Variants in RALYL observed in about 807,000 individuals in gnomAD.
RALYL encodes RNA-binding Raly-like protein.
Under a neutral mutation model 35.1 loss-of-function variants are expected in RALYL, and 29 were observed. The ratio of observed to expected loss-of-function variants is 0.83; its 90% CI spans 0.61 to 1.13. The LOEUF (loss-of-function observed/expected upper bound fraction) is 1.13, where lower values mean the gene tolerates loss of function less well. Ranked by LOEUF, RALYL falls within the 50% of genes most tolerant of loss-of-function variation. The probability of loss-of-function intolerance (pLI) is 0.00; values close to 1 mark genes in which losing one functional copy is unlikely to be tolerated. For missense variants in RALYL, 359 were observed against 360.4 expected (o/e 1.00, Z 0.03); for synonymous variants, 120 against 127.6 (o/e 0.94, Z 0.40).
At chr8:84,373,998 G>C (rs78450290) in intron 1 of RALYL, among the ~76,000 whole-genome samples, 1 of 151,854 alleles carries the variant, frequency 6.6e-6, no homozygotes, top group Admixed American at 6.6e-5. Context: ...TTGTGATTTG[G>C]ATATGAGCTT....
chr8:84,339,152 C>T (rs1041199409), intron 1 of RALYL, among the ~76,000 whole-genome samples: 5 of 151,926 alleles, frequency 3.3e-5, no homozygotes, highest in Non-Finnish European at 7.4e-5. Flanking sequence ...AGCAAATTTA[C>T]ATCTTAGTTT....
At chr8:84,840,770 C>T (rs193093874) in intron 4 of RALYL, among the ~76,000 whole-genome samples, 30 of 152,300 alleles carry the variant, frequency 2.0e-4, no homozygotes, top group Non-Finnish European at 3.7e-4. Context: ...ACTGATCTCT[C>T]GGCAGAAACT....
chr8:84,309,387 A>G (rs866079078), intron 1 of RALYL, among the ~76,000 whole-genome samples: 20 of 151,726 alleles, frequency 1.3e-4, no homozygotes, highest in African/African-American at 4.6e-4. Context: ...CTGAAGGTAT[A>G]CTAATAATGC....
At position 84,214,616 on chromosome 8, in the gene RALYL, T is replaced by A. The variant is rs920603652; in HGVS notation, c.-24+30192T>A. Among the ~76,000 whole-genome samples, 5 of 152,142 alleles carry A rather than the reference T, an allele frequency of 3.3e-5. No homozygotes were observed. The East Asian group carries it at 7.7e-4, about 23-fold the overall frequency. On this transcript the variant is annotated intron_variant, in intron 1 of 8. Coordinates refer to ENST00000521268, the MANE Select transcript of RALYL (RefSeq NM_173848.7). ...TTTACTGTAATATCCTTGATAACATTAATATACCTAACTGGCAAGAGTTAG... is the reference window on the plus strand; with the variant it reads ...TTTACTGTAATATCCTTGATAACATAAATATACCTAACTGGCAAGAGTTAG...
chr8:84,266,336 GC>G (rs2131874230), intron 1 of RALYL, among the ~76,000 whole-genome samples: 1 of 151,936 alleles, frequency 6.6e-6, no homozygotes, highest in East Asian at 1.9e-4. Flanking sequence ...CAAAAGTTTT[GC>G]CCCTGGAATA....
rs1470993693 is a variant in RALYL, at chr8:84,425,031, G to C, written c.-23-104268G>C. Among the ~76,000 whole-genome samples the C allele has an allele frequency of 6.6e-5, 10 of 152,256 alleles. No homozygotes were observed. The South Asian group carries it at 2.1e-3, about 32-fold the overall frequency. ...TGTCTGTGCCCTGCCCCCAGAGGTG[G>C]AGCCTACAGAGGCAGGCAGACCTCC... On this transcript the variant is annotated intron_variant, in intron 1 of 8. Coordinates refer to ENST00000521268, the MANE Select transcript of RALYL (RefSeq NM_173848.7).
chr8:84,528,518 T>G (rs760527000), intron 1 of RALYL, among the ~76,000 whole-genome samples: 4 of 152,130 alleles, frequency 2.6e-5, no homozygotes, highest in Non-Finnish European at 4.4e-5. Flanking sequence ...TTAGGCAACA[T>G]AGGAGCCTTT....
intron 1 of RALYL, among the ~76,000 whole-genome samples, chr8:84,203,281 CT>C (rs113391957): frequency 9.5e-4 from 137 of 144,308 alleles, no homozygotes; most frequent in African/African-American, 1.3e-3. Flanking sequence ...TTCTTTCTTT[CT>C]TTTTTTTTTT....
chr8:84,731,073 C>A (rs1484446351), intron 2 of RALYL, among the ~76,000 whole-genome samples: 1 of 152,012 alleles, frequency 6.6e-6, no homozygotes, highest in Non-Finnish European at 1.5e-5. Flanking sequence ...TCCCATTTGG[C>A]AAAATGTAAA....
At chr8:84,864,789 C>A in intron 6 of RALYL, 1 of 613,126 alleles carries the variant, frequency 1.6e-6, no homozygotes. Flanking sequence ...TGCTCCAAGC[C>A]AGCCCTGCAG....
intron 1 of RALYL, among the ~76,000 whole-genome samples, chr8:84,518,214 C>G (rs200548662): frequency 1.6e-5 from 1 of 62,506 alleles, no homozygotes. Flanking sequence ...AAGATCTTAG[C>G]AAACTTTAAC....
chr8:84,745,364 C>A (rs1034019163), intron 2 of RALYL, among the ~76,000 whole-genome samples: 1 of 151,858 alleles, frequency 6.6e-6, no homozygotes. Flanking sequence ...TTTTTAAATG[C>A]GTCTATGATG....
intron 2 of RALYL, among the ~76,000 whole-genome samples, chr8:84,596,708 A>T (rs1814625028): frequency 6.6e-6 from 1 of 151,902 alleles, no homozygotes; most frequent in Non-Finnish European, 1.5e-5. Flanking sequence ...CCTATGGAAA[A>T]TTTTTCCTGA....
chr8:84,886,036 G>T (rs1364571591), intron 7 of RALYL, among the ~76,000 whole-genome samples: 1 of 152,078 alleles, frequency 6.6e-6, no homozygotes, highest in African/African-American at 2.4e-5. Flanking sequence ...CAAACTCAGT[G>T]TCTATAATTC....
chr8:84,437,182 C>T (rs1435064249), intron 1 of RALYL, among the ~76,000 whole-genome samples: 1 of 152,074 alleles, frequency 6.6e-6, no homozygotes. Context: ...ATCCATGTTG[C>T]TGCAAAGGAC....
At chr8:84,770,487 G>A (rs1815192729) in intron 2 of RALYL, among the ~76,000 whole-genome samples, 1 of 150,694 alleles carries the variant, frequency 6.6e-6, no homozygotes. Context: ...TTTTGCAATT[G>A]TGAATTGTGC....
At chr8:84,265,606 G>T (rs1004710319) in intron 1 of RALYL, among the ~76,000 whole-genome samples, 1 of 151,314 alleles carries the variant, frequency 6.6e-6, no homozygotes, top group African/African-American at 2.4e-5. Context: ...ACAGCCATGT[G>T]AAACTGATTT....
chr8:84,446,302 A>C (rs2048846846), intron 1 of RALYL, among the ~76,000 whole-genome samples: 1 of 152,066 alleles, frequency 6.6e-6, no homozygotes, highest in Admixed American at 6.6e-5. Context: ...AAAAAATCAT[A>C]GTTCTTTTTT....
At chr8:84,424,679 T>C (rs1427724778) in intron 1 of RALYL, among the ~76,000 whole-genome samples, 2 of 151,834 alleles carry the variant, frequency 1.3e-5, no homozygotes, top group East Asian at 3.9e-4. Context: ...ATCTTTGTGG[T>C]TTTATCTACT....
Sources: gnomAD v4.1 joint callset for allele counts (sites outside exome capture counted in the v4.1 genomes callset) on GRCh38, gnomAD v4.1.1 for gene constraint, MANE v1.5 for transcripts, NCBI Gene and HGNC (gene_info 2026-07-23, HGNC 2026-07-21) for gene names.